The following OPCML variants were observed in gnomAD, a reference collection of about 807,000 sequenced individuals.
The protein encoded by OPCML is opioid-binding protein/cell adhesion molecule.
In OPCML, 13 loss-of-function variants were observed where a neutral mutation model predicts 37.8. The ratio of observed to expected loss-of-function variants is 0.34; its 90% CI spans 0.22 to 0.55. The LOEUF is 0.55. OPCML is among the 20% of genes least tolerant of loss of function. The probability of loss-of-function intolerance (pLI) is 0.91; values close to 1 mark genes in which losing one functional copy is unlikely to be tolerated. For missense variants in OPCML, 341 were observed against 435.6 expected (o/e 0.78, Z 1.93); for synonymous variants, 176 against 168.8 (o/e 1.04, Z -0.33).
intron 1 of OPCML, among the ~76,000 whole-genome samples, chr11:133,213,378 A>G (rs1939451103): frequency 6.6e-6 from 1 of 152,206 alleles, no homozygotes; most frequent in African/African-American, 2.4e-5. Context: ...ACCTCATTGC[A>G]TAATGAACAT....
intron 1 of OPCML, among the ~76,000 whole-genome samples, chr11:133,239,506 G>C (rs1592133184): frequency 6.6e-6 from 1 of 152,232 alleles, no homozygotes; most frequent in Non-Finnish European, 1.5e-5. Flanking sequence ...CCTGCAGCCA[G>C]GGCCTCAGCC....
chr11:133,182,367 T>C (rs1937873402), intron 1 of OPCML, among the ~76,000 whole-genome samples: 1 of 152,228 alleles, frequency 6.6e-6, no homozygotes, highest in African/African-American at 2.4e-5. Flanking sequence ...GATGCAGCAA[T>C]GCAATTTCTG....
chr11:133,493,284 C>T (rs4937781), intron 1 of OPCML, among the ~76,000 whole-genome samples: 53,618 of 152,128 alleles, frequency 0.35, 12,292 homozygotes, highest in African/African-American at 0.64. Context: ...GGCCACCCAG[C>T]ACCCTTTGGG....
intron 1 of OPCML, chr11:133,024,736 G>A (rs1036860778): frequency 1.5e-5 from 14 of 944,156 alleles, no homozygotes; most frequent in East Asian, 1.2e-4. Flanking sequence ...CAGCCCTCGC[G>A]CTTTTGAATA....
intron 1 of OPCML, among the ~76,000 whole-genome samples, chr11:133,499,025 G>A (rs961883803): frequency 5.9e-5 from 9 of 152,212 alleles, no homozygotes; most frequent in African/African-American, 2.2e-4. Flanking sequence ...AAGCCTGGAA[G>A]CTACAGGGCC....
At chr11:132,524,889 A>G (rs1342072723) in intron 4 of OPCML, among the ~76,000 whole-genome samples, 2 of 152,134 alleles carry the variant, frequency 1.3e-5, no homozygotes, top group Admixed American at 6.5e-5. Flanking sequence ...GTTTTTGTGA[A>G]ACAAATATAC....
chr11:132,761,538 C>A (rs529703525), intron 2 of OPCML, among the ~76,000 whole-genome samples: 2 of 151,942 alleles, frequency 1.3e-5, no homozygotes, highest in East Asian at 3.9e-4. Context: ...CTTGTCTTAA[C>A]GCTTTATTTC....
intron 1 of OPCML, 50 bp downstream of exon 1, chr11:133,532,214 C>T (rs1406952856): frequency 2.5e-6 from 4 of 1,599,030 alleles, no homozygotes; most frequent in South Asian, 1.1e-5. Context: ...CCTGCTCTCA[C>T]GTCGTACAAT....
At chr11:133,430,888 G>C (rs1339583592) in intron 1 of OPCML, among the ~76,000 whole-genome samples, 1 of 152,204 alleles carries the variant, frequency 6.6e-6, no homozygotes, top group East Asian at 1.9e-4. Context: ...TATTGGCAAA[G>C]TTTGGTTGAG....
chr11:132,698,288 G>A (rs951821702), intron 2 of OPCML, among the ~76,000 whole-genome samples: 1 of 151,860 alleles, frequency 6.6e-6, no homozygotes, highest in Non-Finnish European at 1.5e-5. Flanking sequence ...CCTTTTCTCC[G>A]CATCCTCTCC....
intron 4 of OPCML, among the ~76,000 whole-genome samples, chr11:132,449,833 G>T (rs1253012726): frequency 6.6e-6 from 1 of 152,128 alleles, no homozygotes; most frequent in East Asian, 1.9e-4. Flanking sequence ...TCATTTCTTA[G>T]GTCGCTCAGC....
chr11:132,633,004 C>A (rs1406260820), intron 3 of OPCML, among the ~76,000 whole-genome samples: 1 of 149,400 alleles, frequency 6.7e-6, no homozygotes, highest in Non-Finnish European at 1.5e-5. Context: ...TGCCTCATGA[C>A]AAGTGAGTCA....
At chr11:132,898,842 C>CG (rs981477113) in intron 2 of OPCML, among the ~76,000 whole-genome samples, 2 of 151,410 alleles carry the variant, frequency 1.3e-5, no homozygotes, top group Non-Finnish European at 2.9e-5. Flanking sequence ...TAGACTGCCC[C>CG]CCCCACCCCC....
At chr11:133,410,193 C>G (rs1945614318) in intron 1 of OPCML, among the ~76,000 whole-genome samples, 2 of 152,164 alleles carry the variant, frequency 1.3e-5, no homozygotes, top group South Asian at 4.2e-4. Context: ...CAGCGCCCAG[C>G]ACAGTGCTTG....
intron 1 of OPCML, among the ~76,000 whole-genome samples, chr11:133,150,324 C>G (rs1949959812): frequency 6.6e-6 from 1 of 152,178 alleles, no homozygotes; most frequent in East Asian, 1.9e-4. Context: ...GCCCTGAGGG[C>G]TTCTGTCATC....
chr11:132,480,512 C>G (rs2096175821), intron 4 of OPCML, among the ~76,000 whole-genome samples: 1 of 152,132 alleles, frequency 6.6e-6, no homozygotes, highest in South Asian at 2.1e-4. Context: ...TCAGGAAATA[C>G]AGAGAACACC....
At chr11:133,378,085 C>T (rs556797753) in intron 1 of OPCML, among the ~76,000 whole-genome samples, 8 of 152,294 alleles carry the variant, frequency 5.3e-5, no homozygotes, top group Non-Finnish European at 1.2e-4. Context: ...TCCAATTTTT[C>T]TTTTTATGCG....
At chr11:132,923,632 T>A (rs942856400) in intron 2 of OPCML, among the ~76,000 whole-genome samples, 1 of 152,154 alleles carries the variant, frequency 6.6e-6, no homozygotes, top group African/African-American at 2.4e-5. Flanking sequence ...AATATATACA[T>A]GTCTGATTGC....
chr11:133,170,718 C>A (rs1273260134), intron 1 of OPCML, among the ~76,000 whole-genome samples: 2 of 151,386 alleles, frequency 1.3e-5, no homozygotes, highest in Non-Finnish European at 2.9e-5. Context: ...GAGTGTTCTG[C>A]ATTTTACCTC....
Sources: gnomAD v4.1 joint callset for allele counts (sites outside exome capture counted in the v4.1 genomes callset) on GRCh38, gnomAD v4.1.1 for gene constraint, MANE v1.5 for transcripts, NCBI Gene and HGNC (gene_info 2026-07-23, HGNC 2026-07-21) for gene names.